TRIM37: variants seen among roughly 807,000 people sequenced by gnomAD.
TRIM37 encodes the protein E3 ubiquitin-protein ligase TRIM37.
Under a neutral mutation model 129.8 loss-of-function variants are expected in TRIM37, and 80 were observed. The ratio of observed to expected loss-of-function variants is 0.62; its 90% CI spans 0.51 to 0.74. TRIM37 has a LOEUF of 0.74. Among genes scored for constraint, TRIM37 ranks in the 30% least tolerant of loss-of-function variants. The pLI is 0.00. For synonymous variants in TRIM37, 389 were observed against 387.1 expected (o/e 1.00, Z -0.06); for missense variants, 1,054 against 1,176.5 (o/e 0.90, Z 1.52).
Position 58,999,453 on chromosome 17 carries a change from T to C in TRIM37, c.2819A>G (p.His940Arg), listed in dbSNP as rs1221398502. The C allele has an allele frequency of 1.2e-6, 2 of 1,608,264 alleles. No individual in the cohort carries two copies. The highest frequency in any genetic ancestry group is 1.7e-6 in the Non-Finnish European group (2 of 1,177,326). Residue 940 changes from histidine (H) to arginine (R), a missense_variant, in exon 24 of 24, where the codon CAT (histidine) becomes CGT (arginine). By Grantham distance (29) the His-to-Arg change is conservative. This residue lies in a region of TRIM37 where 287 missense variants were observed against 274.3 expected (regional missense o/e 1.05). Transcript: ENST00000262294. ...TTGTTCACCATCAGGAAAACTGGAA[T>C]GTGTATCTATGATTAAAAAATAAAT... ...VMTQPPDEDT[H>R]SSFPDGEQIG... is the part of the protein sequence containing the mutation.
rs147970784 is a variant in TRIM37 at position 59,091,640 on chromosome 17, A to G, written c.124-300T>C. 3.1e-3 allele frequency among the ~76,000 whole-genome samples: 433 copies of G among 140,514 alleles called. 4 individuals are homozygous for G. The highest frequency in any genetic ancestry group is 0.01 in the African/African-American group (401 of 38,298). 92.2% of individuals were successfully genotyped at this position (140,514 alleles called of 152,430 possible). On this transcript the variant is annotated intron_variant, in intron 2 of 23. Transcript: ENST00000262294. ...TATAATGTATAATAATGTATAATATATTATATAATATTTATATATATAAAA... is the reference window on the plus strand; with the variant it reads ...TATAATGTATAATAATGTATAATATGTTATATAATATTTATATATATAAAA...
chr17:59,081,964 A>AAAAAATAATAAT (rs1568200247), intron 5 of TRIM37, among the ~76,000 whole-genome samples: 3 of 87,222 alleles, frequency 3.4e-5, no homozygotes, highest in Admixed American at 1.2e-4. Flanking sequence ...AAAAAAAAAA[A>AAAAAATAATAAT]AATAATAATA....
In TRIM37 at chr17:59,013,226, C is replaced by T. The variant is rs1205674908; in HGVS notation, c.2577-780G>A. On this transcript the variant is annotated intron_variant, in intron 21 of 23. Coordinates refer to ENST00000262294, the MANE Select transcript of TRIM37 (RefSeq NM_015294.6). The stretch of plus-strand genomic sequence containing the variant: ...TGATGTGATCTCAGCTCACTGCAAC[C>T]GCTGCCTCCTGGGCTCAAGCGATTC... Among the ~76,000 whole-genome samples the T allele has an allele frequency of 3.3e-5, 5 of 152,236 alleles. No individual in the cohort carries two copies. The South Asian group carries it at 6.2e-4, about 19-fold the overall frequency.
intron 24 of TRIM37, among the ~76,000 whole-genome samples, chr17:58,992,777 C>G (rs144039800): frequency 9.3e-4 from 141 of 152,286 alleles, no homozygotes; most frequent in African/African-American, 3.2e-3. Flanking sequence ...CTCCAACTGT[C>G]TAATGACACC....
intron 11 of TRIM37, 139 bp from the exon 12 acceptor site, chr17:59,061,247 T>A (rs958473555): frequency 4.2e-6 from 3 of 706,228 alleles, no homozygotes; most frequent in Non-Finnish European, 7.4e-6. Context: ...CACCAATAGA[T>A]TTGAGTTCTT....
chr17:59,055,466 A>G, intron 13 of TRIM37, among the ~76,000 whole-genome samples: 1 of 151,852 alleles, frequency 6.6e-6, no homozygotes, highest in East Asian at 1.9e-4. Context: ...AGGCTGAGGC[A>G]GGAGGCTCAA....
chr17:59,086,030 G>A (rs920077853), intron 4 of TRIM37, among the ~76,000 whole-genome samples: 34 of 152,204 alleles, frequency 2.2e-4, no homozygotes, highest in African/African-American at 7.7e-4. Flanking sequence ...AGGGGCTGGT[G>A]CGAAGAAGGA....
intron 3 of TRIM37, among the ~76,000 whole-genome samples, chr17:59,088,867 T>C (rs528417912): frequency 6.6e-6 from 1 of 152,060 alleles, no homozygotes; most frequent in South Asian, 2.1e-4. Context: ...ATATTATCTG[T>C]GACTTATTTT....
chr17:59,088,942 T>C (rs971002538), intron 3 of TRIM37, among the ~76,000 whole-genome samples: 15 of 152,332 alleles, frequency 9.8e-5, no homozygotes, highest in African/African-American at 3.6e-4. Flanking sequence ...TGATTCAGAA[T>C]ATGGACTGAA....
intron 19 of TRIM37, among the ~76,000 whole-genome samples, chr17:59,023,226 C>T (rs145655279): frequency 4.4e-4 from 67 of 152,244 alleles, no homozygotes; most frequent in African/African-American, 1.5e-3. Flanking sequence ...CAGGCATATG[C>T]CATCATGCCC....
At chr17:59,032,388 G>A (rs1397153380) in intron 17 of TRIM37, among the ~76,000 whole-genome samples, 2 of 151,318 alleles carry the variant, frequency 1.3e-5, no homozygotes, top group African/African-American at 2.4e-5. Flanking sequence ...AGCCGGGCGC[G>A]GTGGCGGGCG....
chr17:58,969,748 T>G, the TRIM37 span: 1 of 1,611,856 alleles, frequency 6.2e-7, no homozygotes, highest in Non-Finnish European at 8.5e-7. Flanking sequence ...TTCTCATAAG[T>G]TCCAGCTAGA....
At chr17:59,055,407 C>T (rs1479529176) in intron 13 of TRIM37, among the ~76,000 whole-genome samples, 1 of 148,906 alleles carries the variant, frequency 6.7e-6, no homozygotes, top group Non-Finnish European at 1.5e-5. Context: ...TATTTAAGAG[C>T]TAAATGGGCC....
Position 58,999,191 on chromosome 17 carries a change from C to A in TRIM37, c.*186G>T. 1 of 1,447,414 alleles carries A rather than the reference C, an allele frequency of 6.9e-7. No individual in the cohort carries two copies. Among genetic ancestry groups the A allele is most frequent in the South Asian group, 1.4e-5 (1 of 70,218 alleles). 89.7% of individuals were successfully genotyped at this position (1,447,414 alleles called of 1,614,324 possible). A position where few individuals can be genotyped will look rare whatever the true frequency, so the allele number is the denominator to read the frequency against. On this transcript the variant is annotated 3_prime_UTR_variant, in exon 24 of 24. Transcript: ENST00000262294. ...AGAACTCTTCCCATACTGTTTTTCC[C>A]ATGTACTACTGCTGTCTTAGACTAA...
At chr17:59,105,090 T>TC (rs1214999917) in intron 1 of TRIM37, among the ~76,000 whole-genome samples, 4 of 55,582 alleles carry the variant, frequency 7.2e-5, no homozygotes, top group African/African-American at 3.7e-4. Context: ...AGATTCTGTC[T>TC]CAAAAAAAAA....
intron 2 of TRIM37, among the ~76,000 whole-genome samples, chr17:59,098,061 CA>C (rs1199494144): frequency 2.0e-5 from 3 of 152,054 alleles, no homozygotes; most frequent in African/African-American, 7.3e-5. Flanking sequence ...CTACAGTAAT[CA>C]AAACAGTGTG....
chr17:59,002,751 T>G (rs2033937924), intron 22 of TRIM37, among the ~76,000 whole-genome samples: 1 of 152,162 alleles, frequency 6.6e-6, no homozygotes, highest in Admixed American at 6.5e-5. Flanking sequence ...CTTTCATTAG[T>G]GGGTCAGGGA....
At chr17:59,017,745 C>G (rs1027902165) in intron 19 of TRIM37, among the ~76,000 whole-genome samples, 2 of 152,100 alleles carry the variant, frequency 1.3e-5, no homozygotes, top group Admixed American at 6.5e-5. Context: ...CTGCCTCAGC[C>G]TCCCGAGTAG....
intron 24 of TRIM37, among the ~76,000 whole-genome samples, chr17:58,987,319 C>T (rs950533768): frequency 1.3e-5 from 2 of 152,286 alleles, no homozygotes; most frequent in South Asian, 4.1e-4. Flanking sequence ...CGAGTTGCTA[C>T]GGGTTCACTA....
Sources: allele counts gnomAD v4.1 joint callset (sites outside exome capture counted in the v4.1 genomes callset), GRCh38; gene constraint gnomAD v4.1.1; regional missense constraint gnomAD v4.1.1; transcripts MANE v1.5; gene names NCBI Gene and HGNC (gene_info 2026-07-23, HGNC 2026-07-21).